LMTK3: variants seen among roughly 807,000 people sequenced by gnomAD.
LMTK3 encodes the protein serine/threonine-protein kinase LMTK3.
A neutral mutation model predicts 116.7 loss-of-function variants in LMTK3; 27 were observed. The observed-to-expected ratio is 0.23, with a 90% confidence interval of 0.17 to 0.32. LMTK3 has a LOEUF of 0.32. Ranked by LOEUF, LMTK3 falls within the 10% of genes least tolerant of loss-of-function variation. LMTK3 has a pLI of 1.00. For synonymous variants in LMTK3, 965 were observed against 971.0 expected (o/e 0.99, Z 0.11); for missense variants, 1,764 against 2,068.5 (o/e 0.85, Z 2.86).
intron 11 of LMTK3, among the ~76,000 whole-genome samples, chr19:48,496,443 C>T (rs1443819952): frequency 2.6e-5 from 4 of 152,188 alleles, no homozygotes; most frequent in South Asian, 2.1e-4. Flanking sequence ...GGATTATAGG[C>T]GCCTACCATA....
At chr19:48,487,809 T>C (rs1286995277) in intron 14 of LMTK3, among the ~76,000 whole-genome samples, 2 of 152,128 alleles carry the variant, frequency 1.3e-5, no homozygotes, top group Admixed American at 6.6e-5. Flanking sequence ...GTCAAGTCAC[T>C]GCCCTCACTC....
Position 48,491,345 on chromosome 19 carries a change from C to T in LMTK3, c.4228+59G>A. On this transcript the variant is annotated intron_variant, in intron 13 of 14. Transcript: ENST00000600059. The surrounding 1 kb of genome is among the most constrained non-coding windows in gnomAD (Gnocchi z 5.1). ...GACCAAGCCCCTCCCACCCCATAGA[C>T]CCCGCCCCGTCCGCCCCATGGCTCC... 1.0e-6 allele frequency: 1 copy of T among 956,838 alleles called. No homozygotes were observed. Among genetic ancestry groups the T allele is most frequent in the Non-Finnish European group, 1.4e-6 (1 of 724,396 alleles). The allele number at this position is 956,838 out of a possible 1,614,324, so 59.3% of individuals were successfully genotyped here. A position where few individuals can be genotyped will look rare whatever the true frequency, so the allele number is the denominator to read the frequency against.
chr19:48,499,844 T>A lies in LMTK3; in HGVS notation c.1225A>T (p.Thr409Ser). Reference protein sequence around the residue: ...PSASDLQLQLTYLLSERPPRP... With the variant: ...PSASDLQLQLSYLLSERPPRP... ...GGAGGCCGCTCGGAGAGCAAGTAGG[T>A]GAGCTGCAATTGGAGATCAGAGGCT... Residue 409 changes from threonine to serine, a missense_variant, in exon 11 of 15, where the codon ACC (threonine) becomes TCC (serine). Around this residue, in one of 7 missense-constraint regions of LMTK3, gnomAD observed 271 missense variants for 478.2 expected, o/e 0.57. Transcript: ENST00000600059. 1 of 1,588,282 alleles carries A rather than the reference T, an allele frequency of 6.3e-7. No homozygotes were observed. The highest frequency in any genetic ancestry group is 8.6e-7 in the Non-Finnish European group (1 of 1,169,352).
intron 5 of LMTK3, among the ~76,000 whole-genome samples, chr19:48,506,186 A>G (rs1280627510): frequency 6.6e-6 from 1 of 151,602 alleles, no homozygotes; most frequent in Non-Finnish European, 1.5e-5. Context: ...TTAGCCAGGC[A>G]TGGTGGCTAT....
At position 48,493,723 on chromosome 19, in the gene LMTK3, C is replaced by T; in HGVS notation, c.4063G>A (p.Gly1355Arg). 1.3e-6 allele frequency: 2 copies of T among 1,577,208 alleles called. No individual in the cohort carries two copies. The highest frequency in any genetic ancestry group is 1.7e-6 in the Non-Finnish European group (2 of 1,163,156). The change falls in exon 12 of 15, where the codon GGG becomes AGG. Residue 1355 changes from glycine to arginine, a missense_variant. Gly to Arg is a moderately radical substitution (Grantham distance 125). This residue lies in a region of LMTK3 where 281 missense variants were observed against 301.4 expected (regional missense o/e 0.93). Coordinates refer to ENST00000600059, the MANE Select transcript of LMTK3 (RefSeq NM_001388485.1). ...ERKRKMVSFH[G>R]DVTVYLFDQE... is the part of the protein sequence containing the mutation. ...TCGAAGAGGTAGACGGTCACGTCCC[C>T]GTGGAAGGAGACCATCTTGCGCTTC...
intron 2 of LMTK3, 50 bp downstream of exon 2, chr19:48,510,409 G>A: frequency 6.4e-7 from 1 of 1,564,562 alleles, no homozygotes; most frequent in East Asian, 2.3e-5. Flanking sequence ...AGGGGGTAAA[G>A]GCCTTGCTGG....
At chr19:48,488,547 A>G (rs528715278) in intron 14 of LMTK3, among the ~76,000 whole-genome samples, 15 of 151,940 alleles carry the variant, frequency 9.9e-5, no homozygotes, top group Non-Finnish European at 2.1e-4. Flanking sequence ...ACCCCCTGCC[A>G]TCTCTCCTCA....
chr19:48,499,065 G>T lies in LMTK3; in HGVS notation c.2004C>A (p.Pro668=). ...CCCCCTCGCGGCTGCACAGGGGACA[G>T]GGTAGGGGACCCCGGCGGCTTGGGC... ...GGGPSRRGPL[P]CPLCSREGAC... Residue 668 remains proline, a synonymous_variant, in exon 11 of 15, where the codon CCC becomes CCA. Transcript: ENST00000600059. The T allele has an allele frequency of 6.5e-7, 1 of 1,542,520 alleles. No individual in the cohort carries two copies. Among genetic ancestry groups the T allele is most frequent in the Non-Finnish European group, 8.7e-7 (1 of 1,149,354 alleles).
chr19:48,497,443 C>G lies in LMTK3; in HGVS notation c.3626G>C (p.Arg1209Pro), dbSNP rs1243824885. The G allele has an allele frequency of 6.5e-7, 1 of 1,536,864 alleles. No homozygotes were observed. The highest frequency in any genetic ancestry group is 1.4e-5 in the African/African-American group (1 of 69,718). Residue 1209 changes from arginine (R) to proline (P), a missense_variant, in exon 11 of 15, where the codon CGA becomes CCA. By Grantham distance (103) the Arg-to-Pro change is moderately radical. Transcript: ENST00000600059. The surrounding 1 kb of genome is among the most constrained non-coding windows in gnomAD (Gnocchi z 5.7). Reference sequence around the variant, plus strand: ...AGGGGGTCCCAAGTCCAAGAATAGTCGTGGCATCTCGGGGCCCTTCCTCTC... The same window carrying G: ...AGGGGGTCCCAAGTCCAAGAATAGTGGTGGCATCTCGGGGCCCTTCCTCTC... Reference protein sequence around the residue: ...KPERKGPEMPRLFLDLGPPQG... With the variant: ...KPERKGPEMPPLFLDLGPPQG...
At position 48,493,930 on chromosome 19, in the gene LMTK3, C is replaced by T. The variant is rs1972277403; in HGVS notation, c.3856G>A (p.Glu1286Lys). The change falls in exon 12 of 15, where the codon GAG (glutamate) becomes AAG (lysine). Residue 1286 changes from glutamate (E) to lysine (K), a missense_variant. By Grantham distance (56) the Glu-to-Lys change is moderately conservative (BLOSUM62 1). Coordinates refer to ENST00000600059, the MANE Select transcript of LMTK3 (RefSeq NM_001388485.1). ...GGCGCCGCCGCCTCCTCGTCCTCCT[C>T]CTCGTCCTCGTCCTCGTCCTCCCCG... ...EDGEDEDEDEEEDEEAAAPGA... is the reference protein window; with the variant it reads ...EDGEDEDEDEKEDEEAAAPGA... 3.9e-6 allele frequency: 4 copies of T among 1,030,432 alleles called. No individual in the cohort carries two copies. The highest frequency in any genetic ancestry group is 3.5e-5 in the African/African-American group (2 of 57,664). 63.8% of individuals were successfully genotyped at this position (1,030,432 alleles called of 1,614,324 possible).
Position 48,501,158 on chromosome 19 carries a change from G to A in LMTK3, c.1002-13C>T. On this transcript the variant is annotated splice_polypyrimidine_tract_variant and intron_variant, in intron 9 of 14. Coordinates refer to ENST00000600059, the MANE Select transcript of LMTK3 (RefSeq NM_001388485.1). ...CACCCCCAGGGACCTGCAGAGAGCA[G>A]AGAGAGGTCAGAGCCCAGCCCTGAC... 1 of 1,611,132 alleles carries A rather than the reference G, an allele frequency of 6.2e-7. No homozygotes were observed. Among genetic ancestry groups the A allele is most frequent in the African/African-American group, 1.3e-5 (1 of 74,962 alleles).
chr19:48,507,069 G>C (rs564598637), intron 5 of LMTK3, among the ~76,000 whole-genome samples: 2 of 152,102 alleles, frequency 1.3e-5, no homozygotes, highest in Non-Finnish European at 2.9e-5. Context: ...TAGGATTACA[G>C]GCAGGAGCCC....
intron 5 of LMTK3, among the ~76,000 whole-genome samples, chr19:48,507,219 C>G (rs983112895): frequency 1.3e-5 from 2 of 152,238 alleles, no homozygotes; most frequent in African/African-American, 4.8e-5. Context: ...AGGCCGGCCG[C>G]TCTGCTCTCA....
At chr19:48,501,260 C>T (rs1972460265) in intron 9 of LMTK3, 23 bp downstream of exon 9, 1 of 1,611,310 alleles carries the variant, frequency 6.2e-7, no homozygotes, top group South Asian at 1.1e-5. Flanking sequence ...CCTGCCTCGG[C>T]CCCCGCGGCC....
In LMTK3 at chr19:48,510,096, C is replaced by T. The variant is rs895103461; in HGVS notation, c.288G>A (p.Ser96=). 2.5e-6 allele frequency: 4 copies of T among 1,613,910 alleles called. No homozygotes were observed. The highest frequency in any genetic ancestry group is 2.5e-6 in the Non-Finnish European group (3 of 1,179,842). Residue 96 remains serine (S), a synonymous_variant, in exon 3 of 15, where the codon TCG becomes TCA. Transcript: ENST00000600059. ...GCGGGAGAATGTAGACATCAGGCAG[C>T]GACTGTGAGGAGGAGGTCTCCTCCG... ...PPAEETSSSQ[S]LPDVYILPLA... is the part of the protein sequence containing the mutation.
At position 48,497,776 on chromosome 19, in the gene LMTK3, G is replaced by T; in HGVS notation, c.3293C>A (p.Ala1098Glu). 3.7e-6 allele frequency: 5 copies of T among 1,355,478 alleles called. No homozygotes were observed. Among genetic ancestry groups the T allele is most frequent in the Non-Finnish European group, 2.8e-6 (3 of 1,059,134 alleles). The allele number at this position is 1,355,478 out of a possible 1,614,324, so 84.0% of individuals were successfully genotyped here. ...CCTCCCAGCCCCTGGGGCTCTCGGC[G>T]CCCCCCCAGTCTCGGGGGCTCTCCT... ...TERRAPETGGAPRAPGAGRLD... is the reference protein window; with the variant it reads ...TERRAPETGGEPRAPGAGRLD... The change falls in exon 11 of 15, where the codon GCG becomes GAG. Residue 1098 changes from alanine (A) to glutamate (E), a missense_variant. Coordinates refer to ENST00000600059, the MANE Select transcript of LMTK3 (RefSeq NM_001388485.1). The surrounding 1 kb of genome is among the most constrained non-coding windows in gnomAD (Gnocchi z 5.7).
chr19:48,501,379 C>T lies in LMTK3; in HGVS notation c.905G>A (p.Arg302His), dbSNP rs773395598. 4 of 1,613,088 alleles carry T rather than the reference C, an allele frequency of 2.5e-6. No homozygotes were observed. Among genetic ancestry groups the T allele is most frequent in the African/African-American group, 2.7e-5 (2 of 75,046 alleles). Residue 302 changes from arginine to histidine, a missense_variant, in exon 9 of 15, where the codon CGC (arginine) becomes CAC (histidine). Physicochemically the swap from Arg to His is conservative, Grantham distance 29 (BLOSUM62 0). Coordinates refer to ENST00000600059, the MANE Select transcript of LMTK3 (RefSeq NM_001388485.1). ...CGCCCAGCGCAGTGGGATCCACAGG[C>T]GCTCTGGGGTCAGGTAGTAGTCCTC... ...YKEDYYLTPERLWIPLRWAAP... is the reference protein window; with the variant it reads ...YKEDYYLTPEHLWIPLRWAAP...
In LMTK3 at chr19:48,508,886, C is replaced by G. The variant is rs369176991; in HGVS notation, c.522G>C (p.Glu174Asp). The change falls in exon 5 of 15, where the codon GAG (glutamate) becomes GAC (aspartate). Residue 174 changes from glutamate (E) to aspartate (D), a missense_variant. Coordinates refer to ENST00000600059, the MANE Select transcript of LMTK3 (RefSeq NM_001388485.1). ...KELRASAGPL[E>D]QRKFISEAQP... is the part of the protein sequence containing the mutation. Reference sequence around the variant, plus strand: ...GTGCTTCCGAGATGAACTTGCGTTGCTCCAGGGGCCCCGCGCTGGCTCGGA... The same window carrying G: ...GTGCTTCCGAGATGAACTTGCGTTGGTCCAGGGGCCCCGCGCTGGCTCGGA... 2.5e-6 allele frequency: 4 copies of G among 1,613,706 alleles called. No individual in the cohort carries two copies. The African/African-American group carries it at 5.3e-5, about 22-fold the overall frequency.
chr19:48,493,617 G>A (rs780212124), intron 12 of LMTK3, 77 bp downstream of exon 12: 3 of 1,220,022 alleles, frequency 2.5e-6, no homozygotes, highest in Middle Eastern at 3.1e-4. Flanking sequence ...TCGGCCTCCC[G>A]CCAGGCCCTT....
Sources: allele counts gnomAD v4.1 joint callset (sites outside exome capture counted in the v4.1 genomes callset), GRCh38; gene constraint gnomAD v4.1.1; regional missense constraint gnomAD v4.1.1; non-coding constraint Gnocchi (gnomAD v3.1); transcripts MANE v1.5; gene names NCBI Gene and HGNC (gene_info 2026-07-23, HGNC 2026-07-21).